Variants in LY75 observed in about 807,000 individuals in gnomAD.
LY75 encodes the protein lymphocyte antigen 75.
LY75 carries 185 observed loss-of-function variants against 231.7 expected under a neutral mutation model. The observed-to-expected ratio is 0.80, with a 90% confidence interval of 0.71 to 0.90. The LOEUF is 0.90. LY75 is among the 40% of genes least tolerant of loss of function. The probability of loss-of-function intolerance (pLI) is 0.00; values close to 1 mark genes in which losing one functional copy is unlikely to be tolerated. For missense variants in LY75, 1,947 were observed against 2,050.2 expected (o/e 0.95, Z 0.97); for synonymous variants, 668 against 689.0 (o/e 0.97, Z 0.48).
Position 159,842,385 on chromosome 2 carries a change from A to G in LY75, c.3151-11T>C. ...CTCTTCCTCAAAAAACTAAACAAAA[A>G]GGCAAATACATACATGCAATCATGT... is the stretch of plus-strand genomic sequence containing the variant. On this transcript the variant is annotated splice_polypyrimidine_tract_variant and intron_variant, in intron 23 of 34. Coordinates refer to ENST00000263636, the MANE Select transcript of LY75 (RefSeq NM_002349.4). 5.0e-6 allele frequency: 8 copies of G among 1,604,310 alleles called. No homozygotes were observed. Among genetic ancestry groups the G allele is most frequent in the Non-Finnish European group, 5.1e-6 (6 of 1,174,574 alleles).
At position 159,881,130 on chromosome 2, in the gene LY75, T is replaced by C. The variant is rs116646065; in HGVS notation, c.1357A>G (p.Asn453Asp). ...TTGGGCGTCTTATTGTAGGGAACATTTGGCTCATTCTCATCCCAATATGTT... is the reference window on the plus strand; with the variant it reads ...TTGGGCGTCTTATTGTAGGGAACATCTGGCTCATTCTCATCCCAATATGTT... ...TLTYWDENEP[N>D]VPYNKTPNCV... Residue 453 changes from asparagine to aspartate, a missense_variant, in exon 8 of 35, where the codon AAT (asparagine) becomes GAT (aspartate). Coordinates refer to ENST00000263636, the MANE Select transcript of LY75 (RefSeq NM_002349.4). 21 of 1,613,934 alleles carry C rather than the reference T, an allele frequency of 1.3e-5. No homozygotes were observed. In the African/African-American group the frequency reaches 2.8e-4, roughly 22 times the overall value.
chr2:159,898,643 A>C (rs777829751), intron 2 of LY75, 45 bp downstream of exon 2: 13 of 1,571,204 alleles, frequency 8.3e-6, no homozygotes, highest in African/African-American at 1.4e-5. Flanking sequence ...GCCACATGTG[A>C]CAAGCACAAC....
At position 159,840,005 on chromosome 2, in the gene LY75, C is replaced by CAA. The variant is rs10671183; in HGVS notation, c.3507+722_3507+723dup. 1.4e-4 allele frequency among the ~76,000 whole-genome samples: 8 copies of CAA among 58,932 alleles called. 2 individuals are homozygous for CAA. The highest frequency in any genetic ancestry group is 8.7e-4 in the Admixed American group (3 of 3,448). 38.7% of individuals were successfully genotyped at this position (58,932 alleles called of 152,430 possible). On this transcript the variant is annotated intron_variant, in intron 25 of 34. Coordinates refer to ENST00000263636, the MANE Select transcript of LY75 (RefSeq NM_002349.4). ...TGGGTGACAGAACAAGAACCTGTCT[C>CAA]AAAAAAAAAAAAAAGAAAAAGAAAA...
chr2:159,821,208 C>T (rs1433018361), intron 28 of LY75, among the ~76,000 whole-genome samples: 2 of 92,232 alleles, frequency 2.2e-5, no homozygotes, highest in Admixed American at 9.6e-5. Context: ...AACTGGATAT[C>T]CACATGTAAA....
At chr2:159,832,720 T>C (rs1190201349) in intron 27 of LY75, among the ~76,000 whole-genome samples, 1 of 152,258 alleles carries the variant, frequency 6.6e-6, no homozygotes, top group East Asian at 1.9e-4. Flanking sequence ...AACAGGAAGC[T>C]ATGGTGTCTA....
At chr2:159,875,936 G>T (rs1685254801) in intron 11 of LY75, among the ~76,000 whole-genome samples, 1 of 152,134 alleles carries the variant, frequency 6.6e-6, no homozygotes, top group Non-Finnish European at 1.5e-5. Flanking sequence ...ATTAGTAAGT[G>T]GTTGCCCCAG....
intron 12 of LY75, 108 bp downstream of exon 12, chr2:159,875,336 A>G: frequency 7.0e-7 from 1 of 1,426,964 alleles, no homozygotes; most frequent in Non-Finnish European, 9.4e-7. Flanking sequence ...AGAGCACTTT[A>G]GTTAGGTTAC....
At chr2:159,814,113 T>A (rs1001364715) in intron 31 of LY75, 1 of 152,188 alleles carries the variant, frequency 6.6e-6, no homozygotes, top group African/African-American at 2.4e-5. Flanking sequence ...ATGGTGAGCA[T>A]TGAGAACCAG....
At chr2:159,850,791 T>TATATATATATATAAATAA (rs1341394980) in intron 21 of LY75, among the ~76,000 whole-genome samples, 6 of 94,466 alleles carry the variant, frequency 6.4e-5, no homozygotes, top group African/African-American at 2.4e-4. Flanking sequence ...TATATATATA[T>TATATATATATATAAATAA]ATATATATTA....
chr2:159,828,008 T>C (rs533874635), intron 28 of LY75, among the ~76,000 whole-genome samples: 46 of 151,958 alleles, frequency 3.0e-4, no homozygotes, highest in African/African-American at 1.1e-3. Context: ...CTAACGTAGG[T>C]GACGGGTTGA....
chr2:159,834,004 TC>T, intron 27 of LY75, 39 bp downstream of exon 27: 1 of 1,594,140 alleles, frequency 6.3e-7, no homozygotes, highest in Non-Finnish European at 8.5e-7. Flanking sequence ...CTCGGGTATG[TC>T]CTTATAGCAA....
chr2:159,818,848 G>A (rs1683201263), intron 29 of LY75, among the ~76,000 whole-genome samples: 1 of 152,084 alleles, frequency 6.6e-6, no homozygotes, highest in South Asian at 2.1e-4. Flanking sequence ...TTGGCAGAAG[G>A]AAAACATAAA....
chr2:159,848,779 A>G (rs1352665875), intron 23 of LY75, among the ~76,000 whole-genome samples: 1 of 152,168 alleles, frequency 6.6e-6, no homozygotes, highest in Non-Finnish European at 1.5e-5. Context: ...AAATCACTTA[A>G]GTGGATTTTG....
chr2:159,890,852 T>C (rs1685731981), intron 3 of LY75, among the ~76,000 whole-genome samples: 1 of 152,192 alleles, frequency 6.6e-6, no homozygotes, highest in South Asian at 2.1e-4. Flanking sequence ...CTACCTTATT[T>C]GGGAAACTAT....
At position 159,881,110 on chromosome 2, in the gene LY75, C is replaced by G. The variant is rs11675155; in HGVS notation, c.1377G>C (p.Thr459=). Residue 459 remains threonine, a synonymous_variant, in exon 8 of 35, where the codon ACG becomes ACC. Coordinates refer to ENST00000263636, the MANE Select transcript of LY75 (RefSeq NM_002349.4). ...CTCCTAAGTAGGAAACACAGTTGGGCGTCTTATTGTAGGGAACATTTGGCT... is the reference window on the plus strand; with the variant it reads ...CTCCTAAGTAGGAAACACAGTTGGGGGTCTTATTGTAGGGAACATTTGGCT... ...ENEPNVPYNK[T]PNCVSYLGEL... is the part of the protein sequence containing the mutation. 6.2e-7 allele frequency: 1 copy of G among 1,612,942 alleles called. No individual in the cohort carries two copies. The highest frequency in any genetic ancestry group is 8.5e-7 in the Non-Finnish European group (1 of 1,179,408).
chr2:159,856,546 T>C (rs1432800022), intron 16 of LY75, among the ~76,000 whole-genome samples: 1 of 152,182 alleles, frequency 6.6e-6, no homozygotes, highest in Non-Finnish European at 1.5e-5. Flanking sequence ...ACCAGCTGAA[T>C]GCATCACATC....
chr2:159,882,008 G>T, intron 7 of LY75, 116 bp downstream of exon 7: 1 of 1,255,018 alleles, frequency 8.0e-7, no homozygotes, highest in Non-Finnish European at 1.1e-6. Flanking sequence ...AATCCTATCT[G>T]ACAGGGCTGA....
At chr2:159,822,077 T>C (rs1434240221) in intron 28 of LY75, among the ~76,000 whole-genome samples, 1 of 152,206 alleles carries the variant, frequency 6.6e-6, no homozygotes, top group Non-Finnish European at 1.5e-5. Flanking sequence ...ACCAGGGCCC[T>C]GGGTTTCAAG....
At chr2:159,869,927 C>T (rs1684960209) in intron 13 of LY75, among the ~76,000 whole-genome samples, 1 of 152,146 alleles carries the variant, frequency 6.6e-6, no homozygotes, top group Admixed American at 6.5e-5. Context: ...TCACAAAGAA[C>T]CCAAGAGTTA....
Sources: allele counts gnomAD v4.1 joint callset (sites outside exome capture counted in the v4.1 genomes callset), GRCh38; gene constraint gnomAD v4.1.1; transcripts MANE v1.5; gene names NCBI Gene and HGNC (gene_info 2026-07-23, HGNC 2026-07-21).